TTLL9: variants seen among roughly 807,000 people sequenced by gnomAD.
TTLL9 encodes the protein tubulin tyrosine ligase like 9.
Under a neutral mutation model 65.6 loss-of-function variants are expected in TTLL9, and 47 were observed. The ratio of observed to expected loss-of-function variants is 0.72; its 90% CI spans 0.57 to 0.91. The LOEUF is 0.91. Among genes scored for constraint, TTLL9 ranks in the 40% least tolerant of loss-of-function variants. TTLL9 has a pLI of 0.00. For missense variants in TTLL9, 537 were observed against 568.8 expected, an observed-to-expected ratio of 0.94 and a Z score of 0.57; for synonymous variants, 179 against 204.8, an observed-to-expected ratio of 0.87 and a Z score of 1.07.
chr20:31,890,002 C>CTTTCTTTG (rs2063268239), intron 3 of TTLL9, among the ~76,000 whole-genome samples: 1 of 139,316 alleles, frequency 7.2e-6, no homozygotes, highest in South Asian at 2.3e-4. Flanking sequence ...TTCTTTCTTT[C>CTTTCTTTG]TTTCTTTCTT....
At chr20:31,912,453 G>A (rs1185031549) in intron 6 of TTLL9, among the ~76,000 whole-genome samples, 1 of 152,144 alleles carries the variant, frequency 6.6e-6, no homozygotes, top group Non-Finnish European at 1.5e-5. Flanking sequence ...CTCCTGAAGA[G>A]CTTGTTCAAG....
At chr20:31,911,833 T>C (rs374696802) in intron 6 of TTLL9, among the ~76,000 whole-genome samples, 70 of 6,310 alleles carry the variant, frequency 0.011, no homozygotes, top group African/African-American at 0.024. Context: ...TGTCTGTGCG[T>C]GTGTGTGTGT....
chr20:31,890,150 C>CTTTCT (rs1300422017), intron 3 of TTLL9, among the ~76,000 whole-genome samples: 61 of 16,686 alleles, frequency 3.7e-3, no homozygotes, highest in Admixed American at 6.9e-3. Flanking sequence ...TCCTTCCTTC[C>CTTTCT]TTCCTTCTTT....
intron 12 of TTLL9, among the ~76,000 whole-genome samples, chr20:31,936,695 TAAGA>T (rs949436106): frequency 5.3e-5 from 8 of 152,182 alleles, no homozygotes; most frequent in African/African-American, 1.2e-4. Flanking sequence ...AAATTTTCAC[TAAGA>T]AAGGGAAGTT....
chr20:31,919,428 A>C, intron 6 of TTLL9, among the ~76,000 whole-genome samples: 1 of 152,078 alleles, frequency 6.6e-6, no homozygotes, highest in East Asian at 1.9e-4. Context: ...TATGAGATCA[A>C]AGATTCTCTC....
chr20:31,925,989 C>T lies in TTLL9; in HGVS notation c.706-60C>T, dbSNP rs191698293. ...TCCTGGGATCCTGGCTAACCACCCC[C>T]GACACACCTACCCCTTCCCACACTC... is the stretch of plus-strand genomic sequence containing the variant. On this transcript the variant is annotated intron_variant, in intron 9 of 14. Transcript: ENST00000535842. The T allele has an allele frequency of 3.8e-4, 613 of 1,606,314 alleles. 5 individuals carry two copies. In the African/African-American group the frequency reaches 5.6e-3, roughly 15 times the overall value.
chr20:31,939,460 C>A, intron 14 of TTLL9, 194 bp downstream of exon 14: 1 of 514,852 alleles, frequency 1.9e-6, no homozygotes. Flanking sequence ...TGAAAACTTT[C>A]CCTGATTATA....
intron 2 of TTLL9, chr20:31,879,419 A>G: frequency 5.9e-6 from 1 of 169,618 alleles, no homozygotes; most frequent in Non-Finnish European, 1.3e-5. Context: ...AGCCCTTAAG[A>G]TTAGAAAGCG....
chr20:31,907,900 T>A (rs2063582866), intron 4 of TTLL9, among the ~76,000 whole-genome samples: 1 of 152,170 alleles, frequency 6.6e-6, no homozygotes, highest in Admixed American at 6.5e-5. Context: ...AGTGTTTTAT[T>A]TCCTGTGGCA....
chr20:31,880,725 G>C (rs1181003532), intron 2 of TTLL9, among the ~76,000 whole-genome samples: 1 of 152,020 alleles, frequency 6.6e-6, no homozygotes, highest in Non-Finnish European at 1.5e-5. Flanking sequence ...TTGACCTCGT[G>C]ATCTGCCCGC....
At chr20:31,873,821 G>A (rs6061008) in intron 2 of TTLL9, among the ~76,000 whole-genome samples, 5,591 of 95,974 alleles carry the variant, frequency 0.058, 215 homozygotes, top group African/African-American at 0.098. Context: ...AGGAAGGAAG[G>A]AAGAAAGAAA....
intron 12 of TTLL9, among the ~76,000 whole-genome samples, 154 bp from the exon 13 acceptor site, chr20:31,937,242 C>G (rs1198821052): frequency 6.6e-6 from 1 of 151,986 alleles, no homozygotes; most frequent in Non-Finnish European, 1.5e-5. Context: ...GACCCTATCT[C>G]TATAAAAATA....
At chr20:31,873,854 AAGAAAGAAAGAAAG>A (rs2062999382) in intron 2 of TTLL9, among the ~76,000 whole-genome samples, 3 of 150,166 alleles carry the variant, frequency 2.0e-5, no homozygotes, top group Non-Finnish European at 4.4e-5. Context: ...GAAAGAAAGA[AAGAAAGAAAGAAAG>A]AAAGAAAGAA....
chr20:31,883,967 A>G (rs1231098851), intron 2 of TTLL9: 2 of 439,070 alleles, frequency 4.6e-6, no homozygotes, highest in Non-Finnish European at 8.4e-6. Context: ...AAAAAGAAAT[A>G]AAAAGCATAA....
chr20:31,926,143 G>A, intron 10 of TTLL9, 52 bp downstream of exon 10: 1 of 1,307,712 alleles, frequency 7.6e-7, no homozygotes, highest in Non-Finnish European at 1.1e-6. Flanking sequence ...TTTTGTGGGG[G>A]TGATTCCATG....
At chr20:31,933,014 A>G (rs1428208538) in intron 10 of TTLL9, among the ~76,000 whole-genome samples, 5 of 152,040 alleles carry the variant, frequency 3.3e-5, no homozygotes, top group Admixed American at 2.6e-4. Flanking sequence ...AACAAATACA[A>G]CAAGGTTTGG....
At chr20:31,891,216 A>G (rs2063303627) in intron 3 of TTLL9, among the ~76,000 whole-genome samples, 1 of 152,038 alleles carries the variant, frequency 6.6e-6, no homozygotes, top group Non-Finnish European at 1.5e-5. Context: ...TTGGACCTTT[A>G]TATTTTTGCC....
intron 7 of TTLL9, 32 bp downstream of exon 7, chr20:31,919,964 A>G (rs1211707071): frequency 6.5e-7 from 1 of 1,544,310 alleles, no homozygotes; most frequent in East Asian, 2.5e-5. Flanking sequence ...TCCTCCCTGA[A>G]CCCTCCTCTG....
In TTLL9 at chr20:31,914,526, G is replaced by A. The variant is rs771786020; in HGVS notation, c.504+4604G>A. ...AAGAAGGCAACTATACTGAAAACCCGTTATCAAACTGTGTTAATCTGGGTT... is the reference window on the plus strand; with the variant it reads ...AAGAAGGCAACTATACTGAAAACCCATTATCAAACTGTGTTAATCTGGGTT... On this transcript the variant is annotated intron_variant, in intron 6 of 14. Coordinates refer to ENST00000535842, the MANE Select transcript of TTLL9 (RefSeq NM_001008409.5). Among the ~76,000 whole-genome samples the A allele has an allele frequency of 8.5e-5, 13 of 152,288 alleles. 1 individual carries two copies. Among genetic ancestry groups the A allele is most frequent in the South Asian group, 6.2e-4 (3 of 4,832 alleles).
Sources: gnomAD v4.1 joint callset for allele counts (sites outside exome capture counted in the v4.1 genomes callset) on GRCh38, gnomAD v4.1.1 for gene constraint, MANE v1.5 for transcripts, NCBI Gene and HGNC (gene_info 2026-07-23, HGNC 2026-07-21) for gene names.